Variants in NCAPD3 observed in about 807,000 individuals in gnomAD.
The protein encoded by NCAPD3 is condensin-2 complex subunit D3.
NCAPD3 carries 105 observed loss-of-function variants against 182.9 expected under a neutral mutation model. That is an observed-to-expected ratio of 0.57 (90% confidence interval 0.49 to 0.68). The LOEUF (loss-of-function observed/expected upper bound fraction) is 0.68, where lower values mean the gene tolerates loss of function less well. Ranked by LOEUF, NCAPD3 falls within the 30% of genes least tolerant of loss-of-function variation. NCAPD3 has a pLI of 0.00. For synonymous variants in NCAPD3, 815 were observed against 679.9 expected (o/e 1.20, Z -3.09); for missense variants, 1,944 against 1,837.0 (o/e 1.06, Z -1.07).
rs1179511280 is a variant in NCAPD3, at chr11:134,204,599, G to A, written c.1089+300C>T. ...CACATGTTGGGGGATGTGGGGTAGG[G>A]GTTTAAGTGACACAAAACTGTGGAA... On this transcript the variant is annotated intron_variant, in intron 9 of 34. Coordinates refer to ENST00000534548, the MANE Select transcript of NCAPD3 (RefSeq NM_015261.3). This position sits in a 1 kb window ranked among gnomAD's most constrained non-coding sequence, Gnocchi z 4.3. Among the ~76,000 whole-genome samples, 1 of 152,146 alleles carries A rather than the reference G, an allele frequency of 6.6e-6. No homozygotes were observed. The highest frequency in any genetic ancestry group is 2.4e-5 in the African/African-American group (1 of 41,418).
At chr11:134,170,208 C>T (rs1252140193) in intron 24 of NCAPD3, among the ~76,000 whole-genome samples, 1 of 152,178 alleles carries the variant, frequency 6.6e-6, no homozygotes, top group African/African-American at 2.4e-5. Context: ...ACGGGAGCAG[C>T]TTGACCTAGA....
chr11:134,153,175 T>C lies in NCAPD3; in HGVS notation c.4353A>G (p.Gly1451=), dbSNP rs138186940. Residue 1451 remains glycine (G), a synonymous_variant, in exon 34 of 35, where the codon GGA becomes GGG. Coordinates refer to ENST00000534548, the MANE Select transcript of NCAPD3 (RefSeq NM_015261.3). ...GCAGTGATAAACATAAGATGTCATT[T>C]CCTTGACTCCGGCCTTCAATTTTCT... is the stretch of plus-strand genomic sequence containing the variant. ...AKEKIEGRSQ[G]NDILCLSLPD... The C allele has an allele frequency of 4.6e-4, 741 of 1,614,218 alleles. 1 individual carries two copies. The highest frequency in any genetic ancestry group is 6.0e-4 in the Non-Finnish European group (706 of 1,180,028).
At chr11:134,183,511 T>C (rs1375664370) in intron 19 of NCAPD3, among the ~76,000 whole-genome samples, 3 of 152,148 alleles carry the variant, frequency 2.0e-5, no homozygotes, top group Non-Finnish European at 1.5e-5. Context: ...GAGGTTACAG[T>C]GAGCTGAGAT....
At chr11:134,155,062 GT>G (rs1209950372) in intron 32 of NCAPD3, among the ~76,000 whole-genome samples, 3 of 152,240 alleles carry the variant, frequency 2.0e-5, no homozygotes, top group Admixed American at 2.0e-4. Flanking sequence ...GGGCTCTGAC[GT>G]CCCCCATGCA....
rs192379746 is a variant in NCAPD3 at position 134,151,300 on chromosome 11, C to A, written c.*1644G>T. 6.6e-6 allele frequency: 1 copy of A among 152,354 alleles called. No individual in the cohort carries two copies. The highest frequency in any genetic ancestry group is 1.9e-4 in the East Asian group (1 of 5,184). The allele number at this position is 152,354 out of a possible 1,614,324, so 9.4% of individuals were successfully genotyped here. ...GAAATGCTCCAGCAGTGGCTCAGTG[C>A]TCCCTGGTGTCTGCTGCATGGCATC... On this transcript the variant is annotated 3_prime_UTR_variant, in exon 35 of 35. Coordinates refer to ENST00000534548, the MANE Select transcript of NCAPD3 (RefSeq NM_015261.3).
chr11:134,159,550 T>C (rs919075530), intron 29 of NCAPD3, among the ~76,000 whole-genome samples: 1 of 152,190 alleles, frequency 6.6e-6, no homozygotes, highest in African/African-American at 2.4e-5. Flanking sequence ...CAACAGCTAC[T>C]CCTAGAAATG....
chr11:134,209,941 A>G (rs891118315), intron 4 of NCAPD3, among the ~76,000 whole-genome samples: 8 of 152,216 alleles, frequency 5.3e-5, no homozygotes, highest in African/African-American at 1.9e-4. Context: ...CTGTAGCCCC[A>G]GCTACTCGGA....
rs60568256 is a variant in NCAPD3, at chr11:134,184,810, TACACACACACACAC to T, written c.2336-72_2336-59del. ...CTGCTTAAATATATTCAGGTATATA[TACACACACACACAC>T]ACACACACACACACACACACACACA... On this transcript the variant is annotated intron_variant, in intron 18 of 34. Coordinates refer to ENST00000534548, the MANE Select transcript of NCAPD3 (RefSeq NM_015261.3). 2.2e-3 allele frequency: 2,207 copies of T among 1,009,874 alleles called. 7 individuals carry two copies. Among genetic ancestry groups the T allele is most frequent in the Middle Eastern group, 0.012 (57 of 4,732 alleles). The allele number at this position is 1,009,874 out of a possible 1,614,324, so 62.6% of individuals were successfully genotyped here. A position where few individuals can be genotyped will look rare whatever the true frequency, so the allele number is the denominator to read the frequency against.
upstream of NCAPD3, chr11:134,225,433 C>A: frequency 7.5e-7 from 1 of 1,331,984 alleles, no homozygotes; most frequent in Non-Finnish European, 1.1e-6. Context: ...CCGGCGAGGC[C>A]TGTCACAGTC....
At position 134,181,099 on chromosome 11, in the gene NCAPD3, C is replaced by A. The variant is rs1053515374; in HGVS notation, c.2537G>T (p.Gly846Val). 2 of 1,613,920 alleles carry A rather than the reference C, an allele frequency of 1.2e-6. No homozygotes were observed. Among genetic ancestry groups the A allele is most frequent in the Non-Finnish European group, 8.5e-7 (1 of 1,179,840 alleles). The change falls in exon 20 of 35, where the codon GGG (glycine) becomes GTG (valine). Residue 846 changes from glycine to valine, a missense_variant. Around this residue, in one of 3 missense-constraint regions of NCAPD3, gnomAD observed 1,803 missense variants for 1,674.6 expected, o/e 1.08. Coordinates refer to ENST00000534548, the MANE Select transcript of NCAPD3 (RefSeq NM_015261.3). ...TACCAACAGGTCTTCGTCCATATTC[C>A]CTGTTCCATTCTCCTTGAGAACGAT... Reference protein sequence around the residue: ...SNIVLKENGTGNMDEDLLVKY... With the variant: ...SNIVLKENGTVNMDEDLLVKY...
rs1450075437 is a variant in NCAPD3 at position 134,151,399 on chromosome 11, T to C, written c.*1545A>G. The stretch of plus-strand genomic sequence containing the variant: ...GAGGGATGGCTCCCCACCCTCAGCG[T>C]TGGGGATTCACGCTCCAGCCTCCTT... On this transcript the variant is annotated 3_prime_UTR_variant, in exon 35 of 35. Transcript: ENST00000534548. 2.0e-5 allele frequency: 3 copies of C among 152,106 alleles called. No homozygotes were observed. Among genetic ancestry groups the C allele is most frequent in the African/African-American group, 7.2e-5 (3 of 41,420 alleles). 9.4% of individuals were successfully genotyped at this position (152,106 alleles called of 1,614,324 possible). A position where few individuals can be genotyped will look rare whatever the true frequency, so the allele number is the denominator to read the frequency against.
intron 2 of NCAPD3, among the ~76,000 whole-genome samples, chr11:134,218,524 G>C (rs1170253671): frequency 1.3e-5 from 2 of 152,156 alleles, no homozygotes; most frequent in Admixed American, 6.5e-5. Flanking sequence ...AGTCTAAACA[G>C]AACTGTTTCT....
chr11:134,168,107 G>A lies in NCAPD3; in HGVS notation c.3462C>T (p.Ile1154=), dbSNP rs200428556. 1 of 1,613,988 alleles carries A rather than the reference G, an allele frequency of 6.2e-7. No individual in the cohort carries two copies. The highest frequency in any genetic ancestry group is 1.3e-5 in the African/African-American group (1 of 74,906). The change falls in exon 27 of 35, where the codon ATC becomes ATT. Residue 1154 remains isoleucine (I), a synonymous_variant. Coordinates refer to ENST00000534548, the MANE Select transcript of NCAPD3 (RefSeq NM_015261.3). The part of the protein sequence containing the change: ...DTFEVLSSKE[I]KLLAMRSKPD... ...GTTTAGATCTCATTGCCAAAAGCTT[G>A]ATCTCCTTTGAGCTGAGGACCTCAA...
At chr11:134,192,591 T>C in intron 16 of NCAPD3, 98 bp downstream of exon 16, 2 of 1,035,662 alleles carry the variant, frequency 1.9e-6, no homozygotes, top group African/African-American at 1.6e-5. Context: ...CTAAGTAATC[T>C]GGAAAGCTGA....
intron 3 of NCAPD3, among the ~76,000 whole-genome samples, chr11:134,215,464 T>C (rs546539321): frequency 2.4e-4 from 37 of 152,312 alleles, no homozygotes; most frequent in African/African-American, 8.7e-4. Context: ...GGTTCTAGGA[T>C]AGAAGATCAA....
Position 134,185,383 on chromosome 11 carries a change from G to A in NCAPD3, c.2189C>T (p.Pro730Leu). Residue 730 changes from proline to leucine, a missense_variant, in exon 17 of 35, where the codon CCC becomes CTC. By Grantham distance (98) the Pro-to-Leu change is moderately conservative. Transcript: ENST00000534548. The stretch of plus-strand genomic sequence containing the variant: ...TATTATTCTGCTGTAGTCCAGCCTG[G>A]GTGAGGAGCCAGCAATCTTGGAGAG... Reference protein sequence around the residue: ...MLLSKIAGSSPRLDYSRIIQS... With the variant: ...MLLSKIAGSSLRLDYSRIIQS... The A allele has an allele frequency of 6.2e-7, 1 of 1,613,850 alleles. No homozygotes were observed. The highest frequency in any genetic ancestry group is 1.1e-5 in the South Asian group (1 of 91,028).
chr11:134,186,072 C>T (rs1422529501), intron 16 of NCAPD3: 4 of 152,030 alleles, frequency 2.6e-5, no homozygotes, highest in African/African-American at 9.7e-5. Flanking sequence ...AAATGACAAC[C>T]TAACAATTAA....
chr11:134,208,949 G>A lies in NCAPD3; in HGVS notation c.797C>T (p.Ala266Val). The A allele has an allele frequency of 6.3e-7, 1 of 1,598,816 alleles. No individual in the cohort carries two copies. The highest frequency in any genetic ancestry group is 1.1e-5 in the South Asian group (1 of 88,300). ...LHECHVTQAR[A>V]LNQAKYIPEL... ...TGGTATGTATTTTGCTTGGTTAAGA[G>A]CTCTAAAAAAAAAAGACGAAATATT... Residue 266 changes from alanine to valine, a missense_variant and splice_region_variant, in exon 7 of 35, where the codon GCT (alanine) becomes GTT (valine). Ala to Val is a moderately conservative substitution (Grantham distance 64). Transcript: ENST00000534548.
chr11:134,220,454 C>T, intron 2 of NCAPD3, 118 bp downstream of exon 2: 1 of 859,144 alleles, frequency 1.2e-6, no homozygotes, highest in Non-Finnish European at 1.8e-6. Flanking sequence ...CTTTATGTTA[C>T]TCATATTGTA....
Sources: gnomAD v4.1 joint callset for allele counts (sites outside exome capture counted in the v4.1 genomes callset) on GRCh38, gnomAD v4.1.1 for gene constraint, gnomAD v4.1.1 regional missense constraint, Gnocchi (gnomAD v3.1) non-coding constraint, MANE v1.5 for transcripts, NCBI Gene and HGNC (gene_info 2026-07-23, HGNC 2026-07-21) for gene names.